The following CD81 variants were observed in gnomAD, a reference collection of about 807,000 sequenced individuals.
The protein encoded by CD81 is CD81 antigen.
A neutral mutation model predicts 30.1 loss-of-function variants in CD81; 10 were observed. That is an observed-to-expected ratio of 0.33 (90% confidence interval 0.21 to 0.56). CD81 has a LOEUF of 0.56. CD81 is among the 20% of genes least tolerant of loss of function. The pLI, the probability that CD81 is intolerant of heterozygous loss-of-function variation, is 0.89. For synonymous variants in CD81, 147 were observed against 126.4 expected (o/e 1.16, Z -1.10); for missense variants, 263 against 308.7 (o/e 0.85, Z 1.11).
chr11:2,376,601 C>T (rs1029329328), upstream of CD81, among the ~76,000 whole-genome samples: 9 of 152,174 alleles, frequency 5.9e-5, no homozygotes, highest in African/African-American at 1.7e-4. Context: ...AGGATGTAGA[C>T]GAAATAGATG....
At chr11:2,396,106 TCTGC>T in intron 6 of CD81, 136 bp downstream of exon 6, 1 of 545,370 alleles carries the variant, frequency 1.8e-6, no homozygotes, top group Non-Finnish European at 3.5e-6. Flanking sequence ...TCAGGGCTGC[TCTGC>T]TGGGAGGGTT....
chr11:2,383,644 TGAGCAGGCACA>T (rs1366987590), intron 1 of CD81, among the ~76,000 whole-genome samples: 1 of 152,038 alleles, frequency 6.6e-6, no homozygotes, highest in Non-Finnish European at 1.5e-5. Context: ...TAGGTGTCGG[TGAGCAGGCACA>T]GAGCCCGCAG....
At position 2,378,656 on chromosome 11, in the gene CD81, C is replaced by A. The variant is rs1023344395; in HGVS notation, c.66+1041C>A. Among the ~76,000 whole-genome samples, 18 of 152,144 alleles carry A rather than the reference C, an allele frequency of 1.2e-4. No homozygotes were observed. Among genetic ancestry groups the A allele is most frequent in the Non-Finnish European group, 2.4e-4 (16 of 68,012 alleles). On this transcript the variant is annotated intron_variant, in intron 1 of 7. Coordinates refer to ENST00000263645, the MANE Select transcript of CD81 (RefSeq NM_004356.4). The surrounding 1 kb of genome is among the most constrained non-coding windows in gnomAD (Gnocchi z 4.9). ...GGCCTGGAAGGACTGGAGTGGGTGT[C>A]CATGGCCGCGGCCTCCCCGTGGCCA...
chr11:2,393,578 C>T (rs892606320), intron 2 of CD81: 1 of 412,146 alleles, frequency 2.4e-6, no homozygotes. Context: ...AGGGCCCCCC[C>T]ACCCTCTTCT....
chr11:2,393,911 GA>G, intron 2 of CD81, 183 bp from the exon 3 acceptor site: 1 of 703,290 alleles, frequency 1.4e-6, no homozygotes, highest in South Asian at 1.5e-5. Flanking sequence ...AGAGGTAACT[GA>G]GGCACAGAAA....
At chr11:2,390,796 G>A (rs952805165) in intron 2 of CD81, among the ~76,000 whole-genome samples, 14 of 152,124 alleles carry the variant, frequency 9.2e-5, no homozygotes, top group African/African-American at 2.9e-4. Context: ...TAAGTGTGGG[G>A]TTATTTCGGG....
At chr11:2,384,438 G>GGGGCGTCTTGTGGGGTA (rs1382328629) in intron 1 of CD81, among the ~76,000 whole-genome samples, 2 of 137,950 alleles carry the variant, frequency 1.4e-5, no homozygotes, top group East Asian at 4.5e-4. Flanking sequence ...CTCGGGAGGC[G>GGGGCGTCTTGTGGGGTA]GGGCGTCTTG....
At chr11:2,389,019 G>T (rs1470213643) in intron 1 of CD81, among the ~76,000 whole-genome samples, 2 of 152,174 alleles carry the variant, frequency 1.3e-5, no homozygotes, top group Non-Finnish European at 2.9e-5. Context: ...GCAGCAGGGG[G>T]TAAAGCCTGA....
intron 4 of CD81, 23 bp downstream of exon 4, chr11:2,395,069 AGGGTG>A: frequency 8.9e-7 from 1 of 1,120,788 alleles, no homozygotes; most frequent in Non-Finnish European, 1.3e-6. Context: ...GTGCAGGGAC[AGGGTG>A]GGGTGGGTGA....
chr11:2,381,548 A>G (rs1328312962), intron 1 of CD81, among the ~76,000 whole-genome samples: 1 of 152,236 alleles, frequency 6.6e-6, no homozygotes, highest in Non-Finnish European at 1.5e-5. Context: ...CGCACCTGAA[A>G]TCGCACCACG....
chr11:2,380,435 A>G (rs2651842), intron 1 of CD81, among the ~76,000 whole-genome samples: 118,875 of 151,956 alleles, frequency 0.78, 47,104 homozygotes, highest in African/African-American at 0.84. Flanking sequence ...GTGCACACAC[A>G]CACACTCCCA....
At position 2,390,453 on chromosome 11, in the gene CD81, C is replaced by T. The variant is rs2010857154; in HGVS notation, c.108C>T (p.Arg36=). Reference sequence around the variant, plus strand: ...TCCTGGGTGTGGCCCTGTGGCTCCGCCATGACCCGCAGACCACCAACCTCC... The same window carrying T: ...TCCTGGGTGTGGCCCTGTGGCTCCGTCATGACCCGCAGACCACCAACCTCC... ...GVILGVALWL[R]HDPQTTNLLY... is the part of the protein sequence containing the mutation. Residue 36 remains arginine (R), a synonymous_variant, in exon 2 of 8, where the codon CGC becomes CGT. Transcript: ENST00000263645. 1.9e-6 allele frequency: 3 copies of T among 1,612,840 alleles called. No individual in the cohort carries two copies. The highest frequency in any genetic ancestry group is 2.5e-6 in the Non-Finnish European group (3 of 1,180,020).
intron 2 of CD81, among the ~76,000 whole-genome samples, chr11:2,390,782 A>G (rs751005232): frequency 1.3e-4 from 20 of 151,936 alleles, no homozygotes; most frequent in Non-Finnish European, 2.8e-4. Flanking sequence ...GACCTTGCTT[A>G]TTTTAAGTGT....
chr11:2,387,548 C>T (rs998122160), intron 1 of CD81, among the ~76,000 whole-genome samples: 1 of 152,188 alleles, frequency 6.6e-6, no homozygotes, highest in Admixed American at 6.5e-5. Flanking sequence ...ACCCCCCAGC[C>T]CCCACCCTTC....
chr11:2,379,760 C>T (rs1042639419), intron 1 of CD81, among the ~76,000 whole-genome samples: 3 of 152,072 alleles, frequency 2.0e-5, no homozygotes, highest in African/African-American at 7.2e-5. Context: ...CTCCTCTCCC[C>T]AGGGCCTGCT....
At chr11:2,394,721 C>CCCCAT (rs1170412982) in intron 3 of CD81, 2 of 602,410 alleles carry the variant, frequency 3.3e-6, no homozygotes, top group Non-Finnish European at 6.0e-6. Context: ...ACACGCCCCG[C>CCCCAT]CCCATCCACC....
chr11:2,396,826 T>C lies in CD81; in HGVS notation c.671T>C (p.Met224Thr). ...VIMIFEMILS[M>T]VLCCGIRNSS... ...CAGATCTTCGAGATGATCCTGAGCA[T>C]GGTGCTGTGCTGTGGCATCCGGAAC... is the stretch of plus-strand genomic sequence containing the variant. Residue 224 changes from methionine to threonine, a missense_variant, in exon 8 of 8, where the codon ATG becomes ACG. Around this residue, in one of 3 missense-constraint regions of CD81, gnomAD observed 176 missense variants for 192.9 expected, o/e 0.91. Coordinates refer to ENST00000263645, the MANE Select transcript of CD81 (RefSeq NM_004356.4). The C allele has an allele frequency of 6.2e-7, 1 of 1,612,830 alleles. No individual in the cohort carries two copies. Among genetic ancestry groups the C allele is most frequent in the South Asian group, 1.1e-5 (1 of 91,086 alleles).
Position 2,396,636 on chromosome 11 carries a change from C to T in CD81, c.570C>T (p.Cys190=), listed in dbSNP as rs1302402610. The T allele has an allele frequency of 1.2e-6, 2 of 1,611,242 alleles. No homozygotes were observed. Among genetic ancestry groups the T allele is most frequent in the South Asian group, 2.2e-5 (2 of 91,088 alleles). Residue 190 remains cysteine (C), a synonymous_variant, in exon 7 of 8, where the codon TGC becomes TGT. Coordinates refer to ENST00000263645, the MANE Select transcript of CD81 (RefSeq NM_004356.4). ...NIISNLFKED[C]HQKIDDLFSG... ...CCTGGCCACCCCTGCAGGAGGACTG[C>T]CACCAGAAGATCGATGACCTCTTCT...
At chr11:2,383,389 G>A (rs1849734522) in intron 1 of CD81, among the ~76,000 whole-genome samples, 2 of 152,126 alleles carry the variant, frequency 1.3e-5, no homozygotes, top group Non-Finnish European at 2.9e-5. Context: ...GGCAGAGAGT[G>A]AGGGGTTGGC....
Sources: allele counts gnomAD v4.1 joint callset (sites outside exome capture counted in the v4.1 genomes callset), GRCh38; gene constraint gnomAD v4.1.1; regional missense constraint gnomAD v4.1.1; non-coding constraint Gnocchi (gnomAD v3.1); transcripts MANE v1.5; gene names NCBI Gene and HGNC (gene_info 2026-07-23, HGNC 2026-07-21).